Variants in ARPC2 observed in about 807,000 individuals in gnomAD.
ARPC2 encodes the protein actin-related protein 2/3 complex subunit 2.
A neutral mutation model predicts 38.6 loss-of-function variants in ARPC2; 4 were observed. The ratio of observed to expected loss-of-function variants is 0.10; its 90% CI spans 0.05 to 0.24. The LOEUF (loss-of-function observed/expected upper bound fraction) is 0.24, where lower values mean the gene tolerates loss of function less well. Ranked by LOEUF, ARPC2 falls within the 10% of genes least tolerant of loss-of-function variation. The pLI is 1.00. For missense variants in ARPC2, 229 were observed against 387.3 expected, an observed-to-expected ratio of 0.59 and a Z score of 3.43; for synonymous variants, 125 against 140.8, an observed-to-expected ratio of 0.89 and a Z score of 0.79.
chr2:218,253,747 T>G (rs1690249770), intron 10 of ARPC2, 144 bp from the exon 11 acceptor site: 1 of 998,364 alleles, frequency 1.0e-6, no homozygotes, highest in Non-Finnish European at 1.5e-6. Context: ...CGATGTCCTG[T>G]GGTTCCAGTG....
intron 7 of ARPC2, among the ~76,000 whole-genome samples, chr2:218,243,290 A>G (rs1331804092): frequency 1.3e-5 from 2 of 152,236 alleles, no homozygotes; most frequent in Non-Finnish European, 2.9e-5. Flanking sequence ...CCTATGATAA[A>G]TAGTACTTTG....
At chr2:218,230,276 C>CTTTT (rs1404910498) in intron 4 of ARPC2, among the ~76,000 whole-genome samples, 15 of 112,464 alleles carry the variant, frequency 1.3e-4, no homozygotes, top group African/African-American at 4.2e-4. Flanking sequence ...CCAGCCTTTT[C>CTTTT]TTTTTTTTTT....
intron 7 of ARPC2, among the ~76,000 whole-genome samples, chr2:218,243,110 A>G (rs1237776159): frequency 6.6e-6 from 1 of 152,002 alleles, no homozygotes; most frequent in Non-Finnish European, 1.5e-5. Context: ...ATTTTTTCTT[A>G]TTTGTTGAGA....
intron 4 of ARPC2, among the ~76,000 whole-genome samples, chr2:218,232,327 T>A (rs1689653493): frequency 6.6e-6 from 1 of 152,194 alleles, no homozygotes; most frequent in Non-Finnish European, 1.5e-5. Flanking sequence ...GGTGAAGCAG[T>A]CACGGTGACA....
chr2:218,224,710 G>GA (rs1376171445), intron 2 of ARPC2, among the ~76,000 whole-genome samples: 49 of 152,068 alleles, frequency 3.2e-4, no homozygotes, highest in Non-Finnish European at 1.5e-4. Context: ...ATAGGGCTTT[G>GA]AAGAAGCAAG....
chr2:218,224,371 T>C (rs978890991), intron 2 of ARPC2, among the ~76,000 whole-genome samples: 4 of 152,220 alleles, frequency 2.6e-5, no homozygotes, highest in Non-Finnish European at 5.9e-5. Flanking sequence ...TGGGCTTTTA[T>C]AAACTCCCTG....
intron 8 of ARPC2, among the ~76,000 whole-genome samples, chr2:218,247,672 G>T (rs549764505): frequency 3.9e-5 from 6 of 151,986 alleles, no homozygotes; most frequent in Non-Finnish European, 8.8e-5. Context: ...AGCTGGGCAC[G>T]GTGGCTCACG....
intron 8 of ARPC2, 135 bp from the exon 9 acceptor site, chr2:218,249,229 C>A: frequency 3.2e-6 from 2 of 626,572 alleles, no homozygotes; most frequent in Non-Finnish European, 5.5e-6. Flanking sequence ...AAAACCCTGA[C>A]AAAGCCTGGT....
chr2:218,232,738 T>C lies in ARPC2; in HGVS notation c.223-1614T>C, dbSNP rs539285066. Among the ~76,000 whole-genome samples, 3 of 151,732 alleles carry C rather than the reference T, an allele frequency of 2.0e-5. No homozygotes were observed. In the East Asian group the frequency reaches 5.9e-4, roughly 30 times the overall value. On this transcript the variant is annotated intron_variant, in intron 4 of 10. Coordinates refer to ENST00000315717, the MANE Select transcript of ARPC2 (RefSeq NM_152862.3). Reference sequence around the variant, plus strand: ...GCGCCTGCCACCATGCCCAGCTAATTTTTTTGTTTTTGTATTTTTAGTAGA... The same window carrying C: ...GCGCCTGCCACCATGCCCAGCTAATCTTTTTGTTTTTGTATTTTTAGTAGA...
At chr2:218,228,892 C>A in intron 4 of ARPC2, 42 bp downstream of exon 4, 1 of 1,317,590 alleles carries the variant, frequency 7.6e-7, no homozygotes, top group Non-Finnish European at 1.1e-6. Context: ...TGTTTCCTCA[C>A]CTTTCATTGG....
chr2:218,225,257 T>G (rs1312469783), intron 2 of ARPC2, among the ~76,000 whole-genome samples: 2 of 152,232 alleles, frequency 1.3e-5, no homozygotes, highest in African/African-American at 4.8e-5. Context: ...TCCTGACTAT[T>G]CTTAGTGATT....
At chr2:218,250,706 G>T (rs1001571147) in intron 10 of ARPC2, among the ~76,000 whole-genome samples, 1 of 151,948 alleles carries the variant, frequency 6.6e-6, no homozygotes, top group African/African-American at 2.4e-5. Context: ...AAATAGGGGT[G>T]TGGCTCTGCA....
chr2:218,235,527 A>G (rs547096602), intron 5 of ARPC2: 1 of 151,770 alleles, frequency 6.6e-6, no homozygotes, highest in East Asian at 1.9e-4. Context: ...TAATCTCCAA[A>G]TTGGCGGGAT....
intron 8 of ARPC2, among the ~76,000 whole-genome samples, chr2:218,246,498 C>A (rs1321644508): frequency 6.6e-6 from 1 of 152,096 alleles, no homozygotes; most frequent in Non-Finnish European, 1.5e-5. Context: ...CCATTGCACT[C>A]CAGCCTGGAT....
At chr2:218,238,898 C>A (rs780129886) in intron 6 of ARPC2, 48 bp downstream of exon 6, 1 of 1,388,492 alleles carries the variant, frequency 7.2e-7, no homozygotes, top group South Asian at 1.3e-5. Context: ...TGCTACACCA[C>A]CATGGCACTT....
In ARPC2 at chr2:218,230,276, C is replaced by CTTT. The variant is rs1404910498; in HGVS notation, c.222+1434_222+1436dup. 6.2e-4 allele frequency among the ~76,000 whole-genome samples: 70 copies of CTTT among 112,444 alleles called. 2 individuals are homozygous for CTTT. Among genetic ancestry groups the CTTT allele is most frequent in the African/African-American group, 1.9e-3 (60 of 30,770 alleles). The allele number at this position is 112,444 out of a possible 152,430, so 73.8% of individuals were successfully genotyped here. A position where few individuals can be genotyped will look rare whatever the true frequency, so the allele number is the denominator to read the frequency against. ...TGTGAGCCACCGTGCCCAGCCTTTT[C>CTTT]TTTTTTTTTTCTTTTTTTTTTTTTT... On this transcript the variant is annotated intron_variant, in intron 4 of 10. Transcript: ENST00000315717.
In ARPC2 at chr2:218,249,912, A is replaced by G. The variant is rs1430599695; in HGVS notation, c.869A>G (p.Lys290Arg). 6.2e-7 allele frequency: 1 copy of G among 1,610,910 alleles called. No homozygotes were observed. The highest frequency in any genetic ancestry group is 1.1e-5 in the South Asian group (1 of 90,380). ...ARPDAEKKEMKTITGKTFSSR is the reference protein window; with the variant it reads ...ARPDAEKKEMRTITGKTFSSR ...CCAGATGCCGAGAAAAAAGAAATGAAAACAATCACGTAAGTTAGGCAGCAC... is the reference window on the plus strand; with the variant it reads ...CCAGATGCCGAGAAAAAAGAAATGAGAACAATCACGTAAGTTAGGCAGCAC... Residue 290 changes from lysine to arginine, a missense_variant, in exon 10 of 11, where the codon AAA becomes AGA. Lys to Arg is a conservative substitution (Grantham distance 26). Transcript: ENST00000315717.
At chr2:218,247,733 G>T (rs1413803573) in intron 8 of ARPC2, among the ~76,000 whole-genome samples, 1 of 152,086 alleles carries the variant, frequency 6.6e-6, no homozygotes, top group Non-Finnish European at 1.5e-5. Context: ...CACGATGTCA[G>T]GAGATCGAGA....
chr2:218,218,903 C>G (rs535976859), intron 2 of ARPC2, among the ~76,000 whole-genome samples: 2 of 152,314 alleles, frequency 1.3e-5, no homozygotes, highest in South Asian at 4.1e-4. Context: ...TTGAGGCTGA[C>G]TTGCTTCTTT....
Sources: gnomAD v4.1 joint callset for allele counts (sites outside exome capture counted in the v4.1 genomes callset) on GRCh38, gnomAD v4.1.1 for gene constraint, MANE v1.5 for transcripts, NCBI Gene and HGNC (gene_info 2026-07-23, HGNC 2026-07-21) for gene names.